Variants in VEPH1 observed in about 807,000 individuals in gnomAD.
VEPH1 encodes the protein ventricular zone expressed PH domain containing 1, also known as ventricular zone-expressed PH domain-containing protein homolog 1.
VEPH1 carries 80 observed loss-of-function variants against 85.2 expected under a neutral mutation model. The observed-to-expected ratio is 0.94, with a 90% CI of 0.78 to 1.13. The LOEUF is 1.13. VEPH1 is among the 50% of genes most tolerant of loss of function. The pLI, the probability that VEPH1 is intolerant of heterozygous loss-of-function variation, is 0.00. For missense variants in VEPH1, 955 were observed against 980.5 expected (o/e 0.97, Z 0.35); for synonymous variants, 297 against 348.0 (o/e 0.85, Z 1.63).
At chr3:157,278,859 G>A (rs1715724988) in intron 12 of VEPH1, among the ~76,000 whole-genome samples, 1 of 152,068 alleles carries the variant, frequency 6.6e-6, no homozygotes, top group Non-Finnish European at 1.5e-5. Context: ...AAGTGTTTGG[G>A]GGAAGCAAAG....
At chr3:157,317,006 T>C in intron 10 of VEPH1, 56 bp downstream of exon 10, 1 of 1,533,676 alleles carries the variant, frequency 6.5e-7, no homozygotes, top group Non-Finnish European at 8.8e-7. Flanking sequence ...AAAATGATTA[T>C]AAGCCCATAT....
At chr3:157,447,749 C>T (rs2109283252) in intron 4 of VEPH1, among the ~76,000 whole-genome samples, 1 of 152,092 alleles carries the variant, frequency 6.6e-6, no homozygotes, top group Non-Finnish European at 1.5e-5. Context: ...TGTGTGCCAC[C>T]ACGCCTGGCT....
intron 12 of VEPH1, among the ~76,000 whole-genome samples, chr3:157,272,633 AT>A (rs56341306): frequency 0.62 from 93,759 of 150,418 alleles, 29,410 homozygotes; most frequent in Admixed American, 0.68. Flanking sequence ...GGTTTTAAAA[AT>A]TTTTTATTTT....
At chr3:157,378,783 C>T (rs1728439131) in intron 7 of VEPH1, among the ~76,000 whole-genome samples, 1 of 152,144 alleles carries the variant, frequency 6.6e-6, no homozygotes, top group Admixed American at 6.5e-5. Context: ...GAACTCCTTT[C>T]TTGGTTATCA....
chr3:157,302,568 T>C (rs1444943674), intron 11 of VEPH1, among the ~76,000 whole-genome samples: 1 of 152,212 alleles, frequency 6.6e-6, no homozygotes, highest in African/African-American at 2.4e-5. Flanking sequence ...AGCCAGAAAG[T>C]GGGCCCGCAC....
intron 9 of VEPH1, among the ~76,000 whole-genome samples, chr3:157,332,630 G>T (rs1207285467): frequency 3.3e-5 from 5 of 151,928 alleles, no homozygotes; most frequent in African/African-American, 1.2e-4. Context: ...CATTTCATTT[G>T]CCTCCTCATT....
At position 157,390,406 on chromosome 3, in the gene VEPH1, G is replaced by T. The variant is rs16827583; in HGVS notation, c.907-9030C>A. On this transcript the variant is annotated intron_variant, in intron 6 of 13. Transcript: ENST00000362010. ...TCCTTTTTCAAATGGATCCTGATGTGCTTGGTAAGACATTTATTAAGTAGT... is the reference window on the plus strand; with the variant it reads ...TCCTTTTTCAAATGGATCCTGATGTTCTTGGTAAGACATTTATTAAGTAGT... 4.1e-3 allele frequency among the ~76,000 whole-genome samples: 617 copies of T among 152,276 alleles called. 3 individuals are homozygous for T. The highest frequency in any genetic ancestry group is 0.014 in the African/African-American group (577 of 41,572).
chr3:157,479,398 T>C (rs1453753303), intron 2 of VEPH1, among the ~76,000 whole-genome samples: 1 of 152,132 alleles, frequency 6.6e-6, no homozygotes, highest in Non-Finnish European at 1.5e-5. Context: ...CCAGGCTTGT[T>C]TATCAGGATG....
At chr3:157,480,390 T>C (rs1045603993) in intron 2 of VEPH1, among the ~76,000 whole-genome samples, 3 of 152,132 alleles carry the variant, frequency 2.0e-5, no homozygotes, top group African/African-American at 7.2e-5. Flanking sequence ...GGGGCATAAA[T>C]TATGCTGTCA....
intron 7 of VEPH1, among the ~76,000 whole-genome samples, chr3:157,368,229 C>T (rs1726950014): frequency 1.3e-5 from 2 of 152,172 alleles, no homozygotes; most frequent in Admixed American, 1.3e-4. Context: ...CCACTTAAGC[C>T]CCTTTCCGTG....
intron 1 of VEPH1, among the ~76,000 whole-genome samples, chr3:157,498,759 T>A (rs1739873095): frequency 6.6e-6 from 1 of 152,232 alleles, no homozygotes; most frequent in African/African-American, 2.4e-5. Flanking sequence ...TGGCTTCTCC[T>A]GCTGTTCTTT....
intron 9 of VEPH1, among the ~76,000 whole-genome samples, chr3:157,339,628 GA>G (rs1159588890): frequency 5.9e-5 from 9 of 152,298 alleles, no homozygotes; most frequent in African/African-American, 2.2e-4. Flanking sequence ...TCTGTCTGGA[GA>G]ACATCAGACC....
intron 2 of VEPH1, among the ~76,000 whole-genome samples, chr3:157,483,617 T>C (rs1349898572): frequency 2.6e-5 from 4 of 152,210 alleles, no homozygotes; most frequent in South Asian, 2.1e-4. Context: ...CCTCAGTAGA[T>C]GGATGAAACC....
At chr3:157,315,452 A>G (rs1364870099) in intron 10 of VEPH1, among the ~76,000 whole-genome samples, 5 of 152,124 alleles carry the variant, frequency 3.3e-5, no homozygotes, top group Non-Finnish European at 5.9e-5. Flanking sequence ...CATCAATCTA[A>G]ACAGGAGCAT....
intron 4 of VEPH1, among the ~76,000 whole-genome samples, chr3:157,455,502 G>T (rs1456764235): frequency 6.6e-6 from 1 of 151,548 alleles, no homozygotes; most frequent in East Asian, 1.9e-4. Flanking sequence ...GGGGTTTGTT[G>T]AACAGATTAT....
At position 157,310,101 on chromosome 3, in the gene VEPH1, G is replaced by A. The variant is rs550849013; in HGVS notation, c.2010+3520C>T. On this transcript the variant is annotated intron_variant, in intron 11 of 13. Transcript: ENST00000362010. ...GAATTTACTGCACCTGGCTGAATTTGATTGAATTTTATAATGAAAATTCAT... is the reference window on the plus strand; with the variant it reads ...GAATTTACTGCACCTGGCTGAATTTAATTGAATTTTATAATGAAAATTCAT... 1.8e-4 allele frequency among the ~76,000 whole-genome samples: 28 copies of A among 152,308 alleles called. 1 individual carries two copies. The highest frequency in any genetic ancestry group is 6.8e-3 in the Middle Eastern group (2 of 294).
At chr3:157,390,657 G>A (rs1461923885) in intron 6 of VEPH1, among the ~76,000 whole-genome samples, 1 of 152,186 alleles carries the variant, frequency 6.6e-6, no homozygotes, top group Non-Finnish European at 1.5e-5. Flanking sequence ...GACTCCACCA[G>A]AATCATGAAG....
At chr3:157,305,402 G>T (rs1048527892) in intron 11 of VEPH1, among the ~76,000 whole-genome samples, 1 of 152,082 alleles carries the variant, frequency 6.6e-6, no homozygotes. Flanking sequence ...GAGCCACCGC[G>T]CCCGGCCTCT....
chr3:157,474,662 AC>A (rs1305690767), intron 2 of VEPH1, among the ~76,000 whole-genome samples: 2 of 152,178 alleles, frequency 1.3e-5, no homozygotes, highest in Non-Finnish European at 1.5e-5. Context: ...CTACATGTAG[AC>A]TTCACAGGTC....
Sources: allele counts gnomAD v4.1 joint callset (sites outside exome capture counted in the v4.1 genomes callset), GRCh38; gene constraint gnomAD v4.1.1; transcripts MANE v1.5; gene names NCBI Gene and HGNC (gene_info 2026-07-23, HGNC 2026-07-21).